The following PTPRM variants were observed in gnomAD, a reference collection of about 807,000 sequenced individuals.
PTPRM encodes receptor-type tyrosine-protein phosphatase mu.
Under a neutral mutation model 186.7 loss-of-function variants are expected in PTPRM, and 47 were observed. The ratio of observed to expected loss-of-function variants is 0.25; its 90% CI spans 0.20 to 0.32. The LOEUF (loss-of-function observed/expected upper bound fraction) is 0.32. PTPRM is among the 10% of genes least tolerant of loss of function. PTPRM has a pLI of 1.00. For missense variants in PTPRM, 1,494 were observed against 1,865.0 expected, an observed-to-expected ratio of 0.80 and a Z score of 3.66; for synonymous variants, 668 against 674.9, an observed-to-expected ratio of 0.99 and a Z score of 0.16.
intron 7 of PTPRM, among the ~76,000 whole-genome samples, chr18:8,007,250 A>G (rs1315731031): frequency 6.6e-6 from 1 of 152,184 alleles, no homozygotes; most frequent in Non-Finnish European, 1.5e-5. Flanking sequence ...CCCTACTAAC[A>G]TACGCTTCTC....
chr18:7,849,560 G>T (rs2046766224), intron 2 of PTPRM, among the ~76,000 whole-genome samples: 1 of 152,206 alleles, frequency 6.6e-6, no homozygotes, highest in African/African-American at 2.4e-5. Context: ...TAACAGTGAG[G>T]CACTTTTTAA....
chr18:8,158,168 C>T (rs1165110137), intron 14 of PTPRM, among the ~76,000 whole-genome samples: 5 of 152,182 alleles, frequency 3.3e-5, no homozygotes, highest in Non-Finnish European at 7.3e-5. Context: ...AAAACTGGTT[C>T]TATCTGTGTC....
intron 1 of PTPRM, chr18:7,755,230 G>A (rs1392778139): frequency 6.6e-6 from 1 of 150,582 alleles, no homozygotes; most frequent in African/African-American, 2.4e-5. Context: ...ACCAGAGACT[G>A]CCTGAAAAAA....
At chr18:7,811,917 C>A (rs1438132645) in intron 2 of PTPRM, among the ~76,000 whole-genome samples, 1 of 152,126 alleles carries the variant, frequency 6.6e-6, no homozygotes, top group African/African-American at 2.4e-5. Flanking sequence ...TCCTGAGAGA[C>A]TGGATAGATT....
At chr18:8,063,952 T>C (rs2088841683) in intron 7 of PTPRM, among the ~76,000 whole-genome samples, 1 of 152,260 alleles carries the variant, frequency 6.6e-6, no homozygotes, top group Admixed American at 6.5e-5. Flanking sequence ...TAGGGAGTGC[T>C]CCTTCTAGGC....
chr18:7,894,395 G>A (rs182354825), intron 3 of PTPRM, among the ~76,000 whole-genome samples: 6,600 of 151,990 alleles, frequency 0.043, 147 homozygotes, highest in Middle Eastern at 0.11. Context: ...GACCAGCCTG[G>A]CTAACACGGT....
intron 2 of PTPRM, among the ~76,000 whole-genome samples, chr18:7,816,028 A>G (rs1328928734): frequency 6.6e-6 from 1 of 152,194 alleles, no homozygotes; most frequent in African/African-American, 2.4e-5. Flanking sequence ...CTAATGTATC[A>G]CTGAGTGTCA....
At chr18:7,658,474 A>C (rs1381117343) in intron 1 of PTPRM, among the ~76,000 whole-genome samples, 1 of 151,702 alleles carries the variant, frequency 6.6e-6, no homozygotes, top group Non-Finnish European at 1.5e-5. Flanking sequence ...CTTACATGGA[A>C]TCAACCAGCC....
chr18:8,094,400 A>T (rs2090913396), intron 11 of PTPRM, among the ~76,000 whole-genome samples: 2 of 151,970 alleles, frequency 1.3e-5, no homozygotes, highest in Admixed American at 6.6e-5. Context: ...TTTGTAATAT[A>T]AATTTTAAAG....
chr18:8,261,664 T>G (rs929347957), intron 19 of PTPRM, among the ~76,000 whole-genome samples: 3 of 152,176 alleles, frequency 2.0e-5, no homozygotes, highest in Non-Finnish European at 4.4e-5. Flanking sequence ...TTTATACAGT[T>G]TTCGTTTGCC....
chr18:8,159,622 C>T (rs1466032712), intron 14 of PTPRM, among the ~76,000 whole-genome samples: 1 of 152,180 alleles, frequency 6.6e-6, no homozygotes, highest in Non-Finnish European at 1.5e-5. Flanking sequence ...TAGTGCTTTG[C>T]TTACTGTGTC....
chr18:8,273,500 C>G (rs2094796933), intron 19 of PTPRM, among the ~76,000 whole-genome samples: 1 of 152,138 alleles, frequency 6.6e-6, no homozygotes, highest in Non-Finnish European at 1.5e-5. Flanking sequence ...CATTCATCTT[C>G]TCTTTTGTCA....
At chr18:7,879,365 T>C (rs1425628139) in intron 2 of PTPRM, among the ~76,000 whole-genome samples, 1 of 152,190 alleles carries the variant, frequency 6.6e-6, no homozygotes, top group Non-Finnish European at 1.5e-5. Context: ...ATTTGCTAAT[T>C]CTGTGAATCT....
At chr18:8,318,645 A>G (rs1222799726) in intron 21 of PTPRM, among the ~76,000 whole-genome samples, 5 of 152,134 alleles carry the variant, frequency 3.3e-5, no homozygotes, top group Non-Finnish European at 5.9e-5. Context: ...TTATAGGGTC[A>G]TGATAAAAGG....
At chr18:7,866,024 TGTGA>T (rs2047672070) in intron 2 of PTPRM, among the ~76,000 whole-genome samples, 2 of 152,078 alleles carry the variant, frequency 1.3e-5, no homozygotes, top group Admixed American at 1.3e-4. Context: ...TGGGATCAGT[TGTGA>T]TATCCCGTTT....
intron 23 of PTPRM, among the ~76,000 whole-genome samples, chr18:8,369,748 G>A (rs557230844): frequency 1.9e-4 from 29 of 152,296 alleles, no homozygotes; most frequent in African/African-American, 6.7e-4. Flanking sequence ...TTGAGGCCAG[G>A]AGTTCAAGAC....
At chr18:7,988,720 G>A (rs1488363342) in intron 7 of PTPRM, among the ~76,000 whole-genome samples, 1 of 152,274 alleles carries the variant, frequency 6.6e-6, no homozygotes, top group Admixed American at 6.5e-5. Flanking sequence ...ATCTATTCAT[G>A]TTGGTAGCAT....
In PTPRM at chr18:8,238,664, T is replaced by G. The variant is rs867635226; in HGVS notation, c.2301-5394T>G. Among the ~76,000 whole-genome samples the G allele has an allele frequency of 3.0e-3, 406 of 136,718 alleles. 3 individuals are homozygous for G. The highest frequency in any genetic ancestry group is 4.5e-3 in the Non-Finnish European group (286 of 63,590). The allele number at this position is 136,718 out of a possible 152,430, so 89.7% of individuals were successfully genotyped here. A position where few individuals can be genotyped will look rare whatever the true frequency, so the allele number is the denominator to read the frequency against. ...ACTGTTTTGTGTGTTTTTTTTTTTT[T>G]TTTTTTTTTTTTTTTTTTTTGCGAA... On this transcript the variant is annotated intron_variant, in intron 14 of 32. Transcript: ENST00000580170.
intron 22 of PTPRM, among the ~76,000 whole-genome samples, chr18:8,340,175 G>A (rs957015998): frequency 4.6e-5 from 7 of 152,194 alleles, no homozygotes; most frequent in East Asian, 3.9e-4. Flanking sequence ...AGCGCCCCGC[G>A]CCTGCAGGAG....
Sources: allele counts gnomAD v4.1 joint callset (sites outside exome capture counted in the v4.1 genomes callset), GRCh38; gene constraint gnomAD v4.1.1; transcripts MANE v1.5; gene names NCBI Gene and HGNC (gene_info 2026-07-23, HGNC 2026-07-21).